The following CYFIP2 variants were observed in gnomAD, a reference collection of about 807,000 sequenced individuals.
CYFIP2 encodes cytoplasmic FMR1-interacting protein 2.
A neutral mutation model predicts 158.7 loss-of-function variants in CYFIP2; 29 were observed. The observed-to-expected ratio is 0.18, with a 90% CI of 0.14 to 0.25. The LOEUF (loss-of-function observed/expected upper bound fraction) is 0.25, where lower values mean the gene tolerates loss of function less well. CYFIP2 is among the 10% of genes least tolerant of loss of function. The pLI is 1.00. For missense variants in CYFIP2, 852 were observed against 1,639.5 expected (o/e 0.52, Z 8.29); for synonymous variants, 585 against 617.6 (o/e 0.95, Z 0.78).
chr5:157,296,515 G>C (rs1015412442), intron 4 of CYFIP2, 158 bp from the exon 5 acceptor site: 5 of 660,814 alleles, frequency 7.6e-6, no homozygotes, highest in Non-Finnish European at 1.4e-5. Context: ...GATCACTTGA[G>C]CCTGGGAGGT....
chr5:157,328,647 A>T (rs187695080), intron 19 of CYFIP2, among the ~76,000 whole-genome samples: 231 of 152,368 alleles, frequency 1.5e-3, no homozygotes, highest in Admixed American at 2.8e-3. Context: ...AGAGCACACC[A>T]GCTTTGTAGC....
At chr5:157,367,751 CTTTTTTTTTT>C (rs373446663) in intron 26 of CYFIP2, among the ~76,000 whole-genome samples, 10 of 123,584 alleles carry the variant, frequency 8.1e-5, no homozygotes, top group Non-Finnish European at 1.6e-5. Flanking sequence ...CCTCTGTTCA[CTTTTTTTTTT>C]TTTTTTTTTT....
At chr5:157,310,663 A>C (rs1759637849) in intron 10 of CYFIP2, among the ~76,000 whole-genome samples, 1 of 152,210 alleles carries the variant, frequency 6.6e-6, no homozygotes, top group South Asian at 2.1e-4. Context: ...CTTCTCGACC[A>C]GCTGAAGCTG....
chr5:157,285,717 A>G (rs1417464260), intron 2 of CYFIP2, among the ~76,000 whole-genome samples: 1 of 152,134 alleles, frequency 6.6e-6, no homozygotes, highest in Non-Finnish European at 1.5e-5. Context: ...TTTGACCCCA[A>G]ATACCTTCCA....
intron 26 of CYFIP2, among the ~76,000 whole-genome samples, chr5:157,379,014 C>T (rs150514990): frequency 9.9e-5 from 15 of 152,260 alleles, no homozygotes; most frequent in Non-Finnish European, 2.1e-4. Flanking sequence ...TCCACTGCAC[C>T]TCTGCCCACC....
chr5:157,329,049 G>A (rs1414623720), intron 19 of CYFIP2, among the ~76,000 whole-genome samples: 1 of 152,222 alleles, frequency 6.6e-6, no homozygotes, highest in African/African-American at 2.4e-5. Flanking sequence ...CTATGAAAAG[G>A]ATTTGCTTCA....
chr5:157,303,908 G>A (rs1030703707), intron 7 of CYFIP2, among the ~76,000 whole-genome samples: 2 of 151,736 alleles, frequency 1.3e-5, no homozygotes, highest in Admixed American at 1.3e-4. Flanking sequence ...CATCCTCCAA[G>A]CTGAGCTGAA....
chr5:157,316,752 T>G (rs1760178137), intron 13 of CYFIP2, among the ~76,000 whole-genome samples: 1 of 152,230 alleles, frequency 6.6e-6, no homozygotes, highest in Non-Finnish European at 1.5e-5. Context: ...ATCCCAGGGT[T>G]ATTGTGGAGA....
chr5:157,353,314 G>T (rs975187612), intron 23 of CYFIP2, among the ~76,000 whole-genome samples: 4 of 152,326 alleles, frequency 2.6e-5, no homozygotes, highest in Non-Finnish European at 5.9e-5. Context: ...TGACAGTGTT[G>T]ATGTGATCTC....
Position 157,324,133 on chromosome 5 carries a change from C to T in CYFIP2, c.1825+59C>T, listed in dbSNP as rs200962510. The T allele has an allele frequency of 9.8e-6, 15 of 1,527,594 alleles. No homozygotes were observed. The East Asian group carries it at 2.5e-4, about 26-fold the overall frequency. The allele number at this position is 1,527,594 out of a possible 1,614,324, so 94.6% of individuals were successfully genotyped here. A position where few individuals can be genotyped will look rare whatever the true frequency, so the allele number is the denominator to read the frequency against. On this transcript the variant is annotated intron_variant, in intron 16 of 30. Transcript: ENST00000620254. ...AGGAGGGGATGAGGGCTCTCAGAGC[C>T]GCTAAGACCACCAAGCCAGGCATTG...
At chr5:157,300,436 G>A (rs1389575102) in intron 5 of CYFIP2, among the ~76,000 whole-genome samples, 18 of 151,682 alleles carry the variant, frequency 1.2e-4, no homozygotes, top group Non-Finnish European at 2.2e-4. Context: ...TCGGGAGGCT[G>A]AGGCAGGAGA....
At chr5:157,392,750 G>C in intron 30 of CYFIP2, 83 bp from the exon 31 acceptor site, 1 of 1,462,814 alleles carries the variant, frequency 6.8e-7, no homozygotes, top group Non-Finnish European at 9.4e-7. Flanking sequence ...GGGGACCCTG[G>C]ACCTCAGTGA....
intron 1 of CYFIP2, chr5:157,269,538 C>G (rs919145832): frequency 3.3e-5 from 5 of 152,246 alleles, no homozygotes; most frequent in Admixed American, 6.5e-5. Context: ...GGAAGGCAGC[C>G]TGCCCAACTG....
chr5:157,390,957 G>A (rs1767220962), intron 30 of CYFIP2, among the ~76,000 whole-genome samples: 2 of 152,200 alleles, frequency 1.3e-5, no homozygotes, highest in Admixed American at 1.3e-4. Flanking sequence ...TTTCTCACCT[G>A]TACAAATATT....
chr5:157,356,168 T>A (rs979233059), intron 23 of CYFIP2, among the ~76,000 whole-genome samples: 1 of 152,114 alleles, frequency 6.6e-6, no homozygotes, highest in African/African-American at 2.4e-5. Flanking sequence ...AGTCTAAGAT[T>A]AAGGTGCCAA....
intron 23 of CYFIP2, chr5:157,343,490 G>T (rs1762450965): frequency 1.2e-6 from 2 of 1,600,156 alleles, no homozygotes; most frequent in East Asian, 4.5e-5. Context: ...GGACGACCAG[G>T]AGATGATGGC....
intron 26 of CYFIP2, among the ~76,000 whole-genome samples, chr5:157,365,749 TAG>T (rs369444582): frequency 6.0e-5 from 8 of 132,748 alleles, no homozygotes; most frequent in East Asian, 4.0e-4. Context: ...GAACTTCATG[TAG>T]AGTTATCTAG....
chr5:157,322,172 C>T (rs1056515753), intron 15 of CYFIP2, among the ~76,000 whole-genome samples: 3 of 152,124 alleles, frequency 2.0e-5, no homozygotes, highest in Non-Finnish European at 2.9e-5. Context: ...GCTGGGAGCG[C>T]TATTAGAGAA....
intron 23 of CYFIP2, among the ~76,000 whole-genome samples, chr5:157,353,833 A>G (rs1472289624): frequency 6.6e-6 from 1 of 152,244 alleles, no homozygotes; most frequent in Non-Finnish European, 1.5e-5. Context: ...CTCTGAAAAC[A>G]GCAATTGTGA....
Sources: gnomAD v4.1 joint callset for allele counts (sites outside exome capture counted in the v4.1 genomes callset) on GRCh38, gnomAD v4.1.1 for gene constraint, MANE v1.5 for transcripts, NCBI Gene and HGNC (gene_info 2026-07-23, HGNC 2026-07-21) for gene names.